The following NRG2 variants were observed in gnomAD, a reference collection of about 807,000 sequenced individuals.
NRG2 encodes the protein pro-neuregulin-2, membrane-bound isoform.
In NRG2, 27 loss-of-function variants were observed where a neutral mutation model predicts 73.9. The ratio of observed to expected loss-of-function variants is 0.37; its 90% CI spans 0.27 to 0.50. The LOEUF (loss-of-function observed/expected upper bound fraction) is 0.50. Among genes scored for constraint, NRG2 ranks in the 20% least tolerant of loss-of-function variants. The pLI is 0.96. For missense variants in NRG2, 1,126 were observed against 1,210.1 expected (o/e 0.93, Z 1.03); for synonymous variants, 532 against 541.0 (o/e 0.98, Z 0.23).
chr5:139,905,142 G>A (rs1765148166), intron 1 of NRG2, among the ~76,000 whole-genome samples: 2 of 152,152 alleles, frequency 1.3e-5, no homozygotes, highest in East Asian at 1.9e-4. Context: ...CTGCAACTCC[G>A]ACAGCCCAGG....
rs1017319935 is a variant in NRG2 at position 139,856,019 on chromosome 5, C to T, written c.1190-241G>A. The T allele has an allele frequency of 3.7e-6, 2 of 539,196 alleles. No homozygotes were observed. The highest frequency in any genetic ancestry group is 1.9e-5 in the African/African-American group (1 of 52,792). The allele number at this position is 539,196 out of a possible 1,614,324, so 33.4% of individuals were successfully genotyped here. A position where few individuals can be genotyped will look rare whatever the true frequency, so the allele number is the denominator to read the frequency against. On this transcript the variant is annotated intron_variant, in intron 5 of 9. Coordinates refer to ENST00000361474, the MANE Select transcript of NRG2 (RefSeq NM_004883.3). This position sits in a 1 kb window ranked among gnomAD's most constrained non-coding sequence, Gnocchi z 4.2. The stretch of plus-strand genomic sequence containing the variant: ...TCACACACAACTCCTCCTGAGTTCC[C>T]CTCCCCAAGCCCCATGCCTGCCCAG...
intron 2 of NRG2, among the ~76,000 whole-genome samples, chr5:139,882,881 T>C (rs1763621727): frequency 6.6e-6 from 1 of 152,080 alleles, no homozygotes; most frequent in African/African-American, 2.4e-5. Context: ...CACAGGTCTC[T>C]AGGAGTGCCC....
At chr5:139,884,017 G>T (rs756039744) in intron 2 of NRG2, among the ~76,000 whole-genome samples, 7 of 152,180 alleles carry the variant, frequency 4.6e-5, no homozygotes, top group Non-Finnish European at 2.9e-5. Flanking sequence ...CCATCCAAAA[G>T]GTCTCATGCC....
rs1038065540 is a variant in NRG2, at chr5:139,869,397, C to T, written c.1112+2324G>A. On this transcript the variant is annotated intron_variant, in intron 4 of 9. Transcript: ENST00000361474. The surrounding 1 kb of genome is among the most constrained non-coding windows in gnomAD (Gnocchi z 4.5). ...AGCACAAATGGTAAGACGTGAGTTC[C>T]GTTTCCTAAGTTCTTTCCTTTTTAT... 4 of 152,196 alleles carry T rather than the reference C, an allele frequency of 2.6e-5. No homozygotes were observed. The highest frequency in any genetic ancestry group is 4.8e-5 in the African/African-American group (2 of 41,444). The allele number at this position is 152,196 out of a possible 1,614,324, so 9.4% of individuals were successfully genotyped here. A position where few individuals can be genotyped will look rare whatever the true frequency, so the allele number is the denominator to read the frequency against.
At chr5:139,928,407 CT>C (rs1490697329) in intron 1 of NRG2, among the ~76,000 whole-genome samples, 1 of 152,124 alleles carries the variant, frequency 6.6e-6, no homozygotes, top group Non-Finnish European at 1.5e-5. Context: ...CTGAAGGTTG[CT>C]TCTCTTTCTT....
chr5:140,028,058 T>C (rs1760841851), intron 1 of NRG2, among the ~76,000 whole-genome samples: 1 of 152,210 alleles, frequency 6.6e-6, no homozygotes, highest in Non-Finnish European at 1.5e-5. Flanking sequence ...TGGAATCATC[T>C]ACTGTAGATA....
At chr5:139,883,048 G>C (rs999691124) in intron 2 of NRG2, among the ~76,000 whole-genome samples, 1 of 152,042 alleles carries the variant, frequency 6.6e-6, no homozygotes, top group East Asian at 1.9e-4. Context: ...GCAGGGCTCT[G>C]AGGGTTTCTC....
intron 1 of NRG2, among the ~76,000 whole-genome samples, chr5:139,951,475 C>G (rs1251440012): frequency 6.6e-6 from 1 of 152,180 alleles, no homozygotes; most frequent in East Asian, 1.9e-4. Context: ...ATGCTGTAGT[C>G]AGGAAGAGGG....
intron 1 of NRG2, among the ~76,000 whole-genome samples, chr5:140,024,080 C>T (rs979874721): frequency 1.3e-5 from 2 of 152,064 alleles, no homozygotes; most frequent in African/African-American, 4.8e-5. Context: ...TCTCTGGAAT[C>T]CAGAAACAGG....
At chr5:140,016,762 A>C (rs1759815257) in intron 1 of NRG2, among the ~76,000 whole-genome samples, 2 of 152,226 alleles carry the variant, frequency 1.3e-5, no homozygotes, top group Admixed American at 1.3e-4. Flanking sequence ...AGAGCAGTGA[A>C]CTAGGTGAGG....
At chr5:140,010,741 C>T (rs1345811371) in intron 1 of NRG2, among the ~76,000 whole-genome samples, 1 of 152,182 alleles carries the variant, frequency 6.6e-6, no homozygotes, top group African/African-American at 2.4e-5. Context: ...AGTCCCCCTC[C>T]CATCCACAAG....
intron 1 of NRG2, among the ~76,000 whole-genome samples, chr5:139,962,305 C>T (rs1367378355): frequency 6.6e-6 from 1 of 152,090 alleles, no homozygotes; most frequent in Non-Finnish European, 1.5e-5. Flanking sequence ...GTGTTGGAGA[C>T]AAACTATGGA....
intron 1 of NRG2, among the ~76,000 whole-genome samples, chr5:139,929,909 A>G (rs1361631471): frequency 6.6e-6 from 1 of 152,218 alleles, no homozygotes; most frequent in Admixed American, 6.5e-5. Flanking sequence ...GAGAAAAAGC[A>G]AGAAAATCAC....
intron 1 of NRG2, among the ~76,000 whole-genome samples, chr5:140,028,064 A>G (rs1760843060): frequency 6.6e-6 from 1 of 152,222 alleles, no homozygotes; most frequent in African/African-American, 2.4e-5. Context: ...CATCTACTGT[A>G]GATAGAAAAT....
intron 1 of NRG2, among the ~76,000 whole-genome samples, chr5:140,003,940 A>G (rs1214351493): frequency 6.6e-6 from 1 of 152,184 alleles, no homozygotes; most frequent in East Asian, 1.9e-4. Context: ...CACCTCCCCA[A>G]TTAGCTACTT....
At chr5:139,986,232 A>G (rs1757164819) in intron 1 of NRG2, among the ~76,000 whole-genome samples, 1 of 152,212 alleles carries the variant, frequency 6.6e-6, no homozygotes, top group Admixed American at 6.5e-5. Context: ...CGTTAGCCTA[A>G]CATTTGTCCT....
At position 139,880,989 on chromosome 5, in the gene NRG2, G is replaced by T. The variant is rs772059967; in HGVS notation, c.873-15C>A. The T allele has an allele frequency of 3.2e-5, 51 of 1,607,442 alleles. No homozygotes were observed. The South Asian group carries it at 5.5e-4, about 17-fold the overall frequency. ...GTGAGTTCTTTCTGGTTAGGGAGGG[G>T]ATAAAAGGGGGAGAGGCGTGAGCCA... On this transcript the variant is annotated splice_polypyrimidine_tract_variant and intron_variant, in intron 2 of 9. Transcript: ENST00000361474.
chr5:139,904,367 G>C lies in NRG2; in HGVS notation c.701-16856C>G, dbSNP rs911871707. On this transcript the variant is annotated intron_variant, in intron 1 of 9. Transcript: ENST00000361474. This position sits in a 1 kb window ranked among gnomAD's most constrained non-coding sequence, Gnocchi z 6.0. ...CTCCCCTCTGGGTGCTTCTTGCCGC[G>C]GCCGCGGCCCCTCCTCCTGGACTCC... The C allele has an allele frequency of 1.3e-5, 20 of 1,586,386 alleles. No homozygotes were observed. The highest frequency in any genetic ancestry group is 1.6e-5 in the Non-Finnish European group (19 of 1,174,736).
chr5:139,919,202 G>A (rs1049033761), intron 1 of NRG2, among the ~76,000 whole-genome samples: 42 of 152,090 alleles, frequency 2.8e-4, no homozygotes, highest in African/African-American at 8.0e-4. Context: ...GTATGGGATC[G>A]CTAACCCACT....
Sources: gnomAD v4.1 joint callset for allele counts (sites outside exome capture counted in the v4.1 genomes callset) on GRCh38, gnomAD v4.1.1 for gene constraint, Gnocchi (gnomAD v3.1) non-coding constraint, MANE v1.5 for transcripts, NCBI Gene and HGNC (gene_info 2026-07-23, HGNC 2026-07-21) for gene names.